ACOXL: variants seen among roughly 807,000 people sequenced by gnomAD.
The protein encoded by ACOXL is acyl-CoA oxidase like, also known as acyl-coenzyme A oxidase-like protein.
ACOXL carries 70 observed loss-of-function variants against 71.9 expected under a neutral mutation model. The ratio of observed to expected loss-of-function variants is 0.97; its 90% CI spans 0.80 to 1.19. The LOEUF is 1.19. Ranked by LOEUF, ACOXL falls within the 50% of genes most tolerant of loss-of-function variation. The pLI is 0.00. For missense variants in ACOXL, 703 were observed against 736.3 expected (o/e 0.95, Z 0.52); for synonymous variants, 253 against 281.6 (o/e 0.90, Z 1.02).
chr2:111,111,655 C>T (rs1004164867), intron 17 of ACOXL, among the ~76,000 whole-genome samples: 1 of 152,116 alleles, frequency 6.6e-6, no homozygotes, highest in Non-Finnish European at 1.5e-5. Flanking sequence ...GTCAGAAGTT[C>T]TTATTAAGTG....
chr2:110,760,380 G>A lies in ACOXL; in HGVS notation c.-22-7988G>A, dbSNP rs1573380707. Among the ~76,000 whole-genome samples the A allele has an allele frequency of 2.6e-5, 4 of 152,030 alleles. No individual in the cohort carries two copies. The South Asian group carries it at 6.2e-4, about 24-fold the overall frequency. ...AGGATGGTCTCGATCTCCTGACCTCGTGATCCGCCCGCCTCAGCCTCCCAA... is the reference window on the plus strand; with the variant it reads ...AGGATGGTCTCGATCTCCTGACCTCATGATCCGCCCGCCTCAGCCTCCCAA... On this transcript the variant is annotated intron_variant, in intron 1 of 17. Transcript: ENST00000439055.
intron 10 of ACOXL, among the ~76,000 whole-genome samples, chr2:110,876,798 A>G (rs1390534102): frequency 6.6e-6 from 1 of 152,224 alleles, no homozygotes; most frequent in Non-Finnish European, 1.5e-5. Context: ...AGCGCCCCCT[A>G]GGTGCCAAAC....
At chr2:110,780,419 T>C (rs893929258) in intron 2 of ACOXL, among the ~76,000 whole-genome samples, 2 of 152,190 alleles carry the variant, frequency 1.3e-5, no homozygotes, top group South Asian at 2.1e-4. Flanking sequence ...AACTACACTT[T>C]AACCACACAG....
At chr2:111,072,307 T>C (rs1218451061) in intron 16 of ACOXL, among the ~76,000 whole-genome samples, 2 of 152,228 alleles carry the variant, frequency 1.3e-5, no homozygotes, top group African/African-American at 4.8e-5. Flanking sequence ...ATTTTGTCTT[T>C]TTGACAAAAT....
chr2:110,943,179 A>G (rs2060951150), intron 12 of ACOXL, among the ~76,000 whole-genome samples: 1 of 145,392 alleles, frequency 6.9e-6, no homozygotes, highest in Non-Finnish European at 1.5e-5. Flanking sequence ...GGAGGGAGGG[A>G]AAGAAGGAAG....
rs1359219846 is a variant in ACOXL at position 111,013,378 on chromosome 2, GC to G, written c.1281+17376del. On this transcript the variant is annotated intron_variant, in intron 14 of 17. Transcript: ENST00000439055. ...GTCTCTACTAAAAATACAAAAATTA[GC>G]CAGGTGTTGTGGCGGGCACCTGTAA... Among the ~76,000 whole-genome samples, 9 of 152,064 alleles carry G rather than the reference GC, an allele frequency of 5.9e-5. No individual in the cohort carries two copies. In the South Asian group the frequency reaches 1.7e-3, roughly 28 times the overall value.
intron 12 of ACOXL, among the ~76,000 whole-genome samples, chr2:110,948,293 A>G (rs1414285252): frequency 1.3e-5 from 2 of 152,184 alleles, no homozygotes; most frequent in Admixed American, 1.3e-4. Flanking sequence ...CTGAGCGATT[A>G]TATTTAATGA....
intron 10 of ACOXL, among the ~76,000 whole-genome samples, chr2:110,867,316 G>A (rs769201587): frequency 1.3e-5 from 2 of 152,162 alleles, no homozygotes; most frequent in South Asian, 2.1e-4. Flanking sequence ...AGGCCTGGGG[G>A]TGTGGTAATG....
intron 11 of ACOXL, among the ~76,000 whole-genome samples, chr2:110,933,115 TAA>T (rs1423887057): frequency 1.3e-5 from 2 of 152,242 alleles, no homozygotes; most frequent in African/African-American, 2.4e-5. Flanking sequence ...CTTGATTTTT[TAA>T]AAGTCATGTC....
chr2:110,734,535 T>C (rs1676593013), intron 1 of ACOXL, among the ~76,000 whole-genome samples: 1 of 152,118 alleles, frequency 6.6e-6, no homozygotes, highest in Admixed American at 6.5e-5. Context: ...TCTCCCAAAG[T>C]GCTGGGACCT....
chr2:110,806,283 C>T (rs536524444), intron 9 of ACOXL, among the ~76,000 whole-genome samples: 6 of 152,352 alleles, frequency 3.9e-5, no homozygotes, highest in African/African-American at 7.2e-5. Context: ...AACACGCGTA[C>T]GCGGCCTGGC....
At chr2:110,801,273 A>G (rs1462792233) in intron 7 of ACOXL, among the ~76,000 whole-genome samples, 1 of 152,206 alleles carries the variant, frequency 6.6e-6, no homozygotes, top group African/African-American at 2.4e-5. Flanking sequence ...TGGGGAGAGC[A>G]ATCCTGCTAC....
intron 14 of ACOXL, among the ~76,000 whole-genome samples, chr2:111,009,577 AAGGAGGAAC>A (rs2064046961): frequency 6.6e-6 from 1 of 152,116 alleles, no homozygotes; most frequent in Non-Finnish European, 1.5e-5. Context: ...AGTGAAAATG[AAGGAGGAAC>A]ATCCCAAAAA....
intron 17 of ACOXL, chr2:111,093,803 G>T (rs1311993874): frequency 2.9e-6 from 1 of 343,974 alleles, no homozygotes; most frequent in Non-Finnish European, 5.3e-6. Flanking sequence ...GTTGGAGGTT[G>T]CAGTGAGCAG....
chr2:110,912,839 T>C (rs896178693), intron 11 of ACOXL, among the ~76,000 whole-genome samples: 2 of 152,170 alleles, frequency 1.3e-5, no homozygotes, highest in African/African-American at 4.8e-5. Context: ...GGAGAAAGTA[T>C]TTTCAAATTA....
rs577937183 is a variant in ACOXL at position 111,086,872 on chromosome 2, T to A, written c.1441-5993T>A. Among the ~76,000 whole-genome samples the A allele has an allele frequency of 1.4e-4, 22 of 152,314 alleles. No homozygotes were observed. In the South Asian group the frequency reaches 3.3e-3, roughly 23 times the overall value. On this transcript the variant is annotated intron_variant, in intron 16 of 17. Transcript: ENST00000439055. ...GGGAGGAAGTCAAACTATTCCTGTTTGCAGACAACATGATTCTATGTCTAG... is the reference window on the plus strand; with the variant it reads ...GGGAGGAAGTCAAACTATTCCTGTTAGCAGACAACATGATTCTATGTCTAG...
chr2:110,975,179 C>G (rs765093430), intron 12 of ACOXL, among the ~76,000 whole-genome samples: 2 of 152,100 alleles, frequency 1.3e-5, no homozygotes, highest in Non-Finnish European at 2.9e-5. Flanking sequence ...TTTCAGACTC[C>G]CGAGGGTATT....
intron 16 of ACOXL, among the ~76,000 whole-genome samples, chr2:111,091,727 C>G (rs1348158239): frequency 6.6e-6 from 1 of 152,190 alleles, no homozygotes; most frequent in Admixed American, 6.5e-5. Flanking sequence ...TTGGTAATTT[C>G]ATAAAAGAGC....
intron 16 of ACOXL, among the ~76,000 whole-genome samples, chr2:111,051,348 A>C (rs2066280571): frequency 6.6e-6 from 1 of 152,228 alleles, no homozygotes; most frequent in Non-Finnish European, 1.5e-5. Flanking sequence ...GTCAGCCTGC[A>C]GGTGATTGTA....
Sources: gnomAD v4.1 joint callset for allele counts (sites outside exome capture counted in the v4.1 genomes callset) on GRCh38, gnomAD v4.1.1 for gene constraint, MANE v1.5 for transcripts, NCBI Gene and HGNC (gene_info 2026-07-23, HGNC 2026-07-21) for gene names.